SLC12A8: variants seen among roughly 807,000 people sequenced by gnomAD.
SLC12A8 encodes cation-chloride cotransporter 9.
In SLC12A8, 69 loss-of-function variants were observed where a neutral mutation model predicts 75.6. That is an observed-to-expected ratio of 0.91 (90% CI 0.75 to 1.11). The LOEUF is 1.11. Among genes scored for constraint, SLC12A8 ranks in the 50% most tolerant of loss-of-function variants. The pLI, the probability that SLC12A8 is intolerant of heterozygous loss-of-function variation, is 0.00. For synonymous variants in SLC12A8, 365 were observed against 372.8 expected (o/e 0.98, Z 0.24); for missense variants, 877 against 896.7 (o/e 0.98, Z 0.28).
chr3:125,172,472 G>A (rs1160524325), intron 5 of SLC12A8, among the ~76,000 whole-genome samples: 1 of 152,010 alleles, frequency 6.6e-6, no homozygotes, highest in Admixed American at 6.6e-5. Flanking sequence ...ATACCAACTT[G>A]CCAGTGAGAT....
intron 2 of SLC12A8, among the ~76,000 whole-genome samples, chr3:125,200,318 G>C (rs1354704130): frequency 6.6e-6 from 1 of 152,100 alleles, no homozygotes; most frequent in Non-Finnish European, 1.5e-5. Context: ...GCATGGTGGT[G>C]TGCCCTTGTG....
intron 6 of SLC12A8, among the ~76,000 whole-genome samples, chr3:125,133,056 GC>G (rs1015970289): frequency 8.5e-5 from 13 of 152,292 alleles, no homozygotes; most frequent in African/African-American, 3.1e-4. Context: ...GCAGAGACAG[GC>G]TTGCAATTCC....
Position 125,203,697 on chromosome 3 carries a change from G to C in SLC12A8, c.51+7602C>G, listed in dbSNP as rs1323985035. 3.9e-5 allele frequency among the ~76,000 whole-genome samples: 6 copies of C among 152,332 alleles called. No homozygotes were observed. In the East Asian group the frequency reaches 9.6e-4, roughly 24 times the overall value. The stretch of plus-strand genomic sequence containing the variant: ...GTTTGGGAAAAGGTTTTATGGCTAA[G>C]ATTTCAAAAGCACAGGCAACAGAAA... On this transcript the variant is annotated intron_variant, in intron 2 of 13. Transcript: ENST00000469902.
chr3:125,111,800 A>C (rs540016825), intron 8 of SLC12A8, among the ~76,000 whole-genome samples: 1 of 152,296 alleles, frequency 6.6e-6, no homozygotes, highest in South Asian at 2.1e-4. Flanking sequence ...GGAAAAAAAA[A>C]ATTTCTTTAA....
chr3:125,149,124 G>A (rs190847875), intron 5 of SLC12A8, among the ~76,000 whole-genome samples: 110 of 152,300 alleles, frequency 7.2e-4, no homozygotes, highest in Non-Finnish European at 1.1e-3. Context: ...ATCCATACCC[G>A]GAACGCCCAG....
At chr3:125,088,172 G>A in intron 13 of SLC12A8, 138 bp downstream of exon 13, 1 of 736,018 alleles carries the variant, frequency 1.4e-6, no homozygotes, top group Non-Finnish European at 2.3e-6. Context: ...CAACATCTGA[G>A]TCTCCCGGAG....
chr3:125,175,176 T>C (rs1406432862), intron 5 of SLC12A8, among the ~76,000 whole-genome samples: 1 of 152,238 alleles, frequency 6.6e-6, no homozygotes, highest in African/African-American at 2.4e-5. Context: ...AGAAATAAGA[T>C]AATTTAGCCA....
chr3:125,131,031 G>C (rs1441802051), intron 6 of SLC12A8, among the ~76,000 whole-genome samples: 1 of 152,256 alleles, frequency 6.6e-6, no homozygotes, highest in Non-Finnish European at 1.5e-5. Flanking sequence ...AGAACACTCA[G>C]ATGGTTTTCA....
chr3:125,183,677 A>T (rs938467453), intron 4 of SLC12A8, among the ~76,000 whole-genome samples: 8 of 152,204 alleles, frequency 5.3e-5, no homozygotes, highest in African/African-American at 1.9e-4. Context: ...TTTTATACAG[A>T]GTCCAGCACA....
Position 125,083,736 on chromosome 3 carries a change from A to AT in SLC12A8, c.*153_*154insA. The AT allele has an allele frequency of 1.3e-6, 1 of 744,690 alleles. No homozygotes were observed. Among genetic ancestry groups the AT allele is most frequent in the Non-Finnish European group, 2.0e-6 (1 of 490,642 alleles). The allele number at this position is 744,690 out of a possible 1,614,324, so 46.1% of individuals were successfully genotyped here. A position where few individuals can be genotyped will look rare whatever the true frequency, so the allele number is the denominator to read the frequency against. On this transcript the variant is annotated 3_prime_UTR_variant, in exon 14 of 14. Transcript: ENST00000469902. ...GACTCTGTCTCAAAAAAAAAAAAAA[A>AT]GGGAAAAGAAAATGTAGATTTCCAT...
chr3:125,163,614 TA>T (rs1179693600), intron 5 of SLC12A8, among the ~76,000 whole-genome samples: 2 of 147,990 alleles, frequency 1.4e-5, no homozygotes, highest in African/African-American at 5.0e-5. Flanking sequence ...AAAAAAAAAT[TA>T]AAAAAAAAGA....
intron 3 of SLC12A8, 70 bp from the exon 4 acceptor site, chr3:125,187,498 T>C: frequency 7.1e-7 from 1 of 1,413,314 alleles, no homozygotes; most frequent in Non-Finnish European, 9.8e-7. Flanking sequence ...GCTGGGGGCA[T>C]TGACCACCTC....
Position 125,166,297 on chromosome 3 carries a change from T to C in SLC12A8, c.622+11446A>G, listed in dbSNP as rs1201647453. On this transcript the variant is annotated intron_variant, in intron 5 of 13. Coordinates refer to ENST00000469902, the MANE Select transcript of SLC12A8 (RefSeq NM_024628.6). ...CAGGTGTCAGCCTTATCCCTTTTCT[T>C]GGCCTCACCCCATACCCCACCCCCA... 3.4e-5 allele frequency among the ~76,000 whole-genome samples: 5 copies of C among 145,912 alleles called. No homozygotes were observed. In the Admixed American group the frequency reaches 3.6e-4, roughly 10 times the overall value.
chr3:125,085,953 G>A (rs547322261), intron 13 of SLC12A8, among the ~76,000 whole-genome samples: 2 of 149,300 alleles, frequency 1.3e-5, no homozygotes, highest in East Asian at 3.9e-4. Context: ...TGCTCAGACT[G>A]GAGCGCAATG....
At position 125,107,748 on chromosome 3, in the gene SLC12A8, C is replaced by T. The variant is rs761429351; in HGVS notation, c.1438G>A (p.Gly480Arg). 1.9e-6 allele frequency: 3 copies of T among 1,614,084 alleles called. No individual in the cohort carries two copies. Among genetic ancestry groups the T allele is most frequent in the Non-Finnish European group, 8.5e-7 (1 of 1,180,038 alleles). ...CTTTCTGGGGTCCTGTTACCCTCTC[C>T]TTGCCTGGGCTGGCTACTCTCAAGC... ...RKLESSQPRQ[G>R]EGNRTPESQK... Residue 480 changes from glycine to arginine, a missense_variant, in exon 10 of 14, where the codon GGA becomes AGA. Physicochemically the swap from Gly to Arg is moderately radical, Grantham distance 125. Transcript: ENST00000469902.
intron 6 of SLC12A8, among the ~76,000 whole-genome samples, chr3:125,134,027 CT>C (rs963151906): frequency 2.0e-4 from 31 of 151,376 alleles, no homozygotes; most frequent in African/African-American, 5.6e-4. Flanking sequence ...TATTTATTTG[CT>C]TTTTTTTTGG....
intron 5 of SLC12A8, among the ~76,000 whole-genome samples, chr3:125,141,038 G>A (rs1933618185): frequency 1.3e-5 from 2 of 152,160 alleles, no homozygotes; most frequent in South Asian, 4.2e-4. Flanking sequence ...GGGATGCATG[G>A]GGCCTGCAGC....
At chr3:125,204,710 T>C (rs1466351984) in intron 2 of SLC12A8, among the ~76,000 whole-genome samples, 3 of 152,076 alleles carry the variant, frequency 2.0e-5, no homozygotes, top group Non-Finnish European at 4.4e-5. Flanking sequence ...TATTTCAAAA[T>C]AGCTAGAGGA....
intron 4 of SLC12A8, among the ~76,000 whole-genome samples, 157 bp from the exon 5 acceptor site, chr3:125,178,131 C>T (rs914108731): frequency 6.6e-6 from 1 of 152,164 alleles, no homozygotes; most frequent in Non-Finnish European, 1.5e-5. Flanking sequence ...ACCAGCCCTT[C>T]CCACCCGTGA....
Sources: allele counts gnomAD v4.1 joint callset (sites outside exome capture counted in the v4.1 genomes callset), GRCh38; gene constraint gnomAD v4.1.1; transcripts MANE v1.5; gene names NCBI Gene and HGNC (gene_info 2026-07-23, HGNC 2026-07-21).